NKAIN3: variants seen among roughly 807,000 people sequenced by gnomAD.
NKAIN3 encodes sodium/potassium-transporting ATPase subunit beta-1-interacting protein 3.
NKAIN3 carries 25 observed loss-of-function variants against 30.2 expected under a neutral mutation model. The ratio of observed to expected loss-of-function variants is 0.83; its 90% confidence interval spans 0.60 to 1.16. The LOEUF (loss-of-function observed/expected upper bound fraction) is 1.16, where lower values mean the gene tolerates loss of function less well. Among genes scored for constraint, NKAIN3 ranks in the 50% most tolerant of loss-of-function variants. NKAIN3 has a pLI of 0.00. For missense variants in NKAIN3, 225 were observed against 254.1 expected, an observed-to-expected ratio of 0.89 and a Z score of 0.78; for synonymous variants, 91 against 89.6, an observed-to-expected ratio of 1.02 and a Z score of -0.09.
chr8:62,259,438 C>T (rs572286600), intron 1 of NKAIN3, among the ~76,000 whole-genome samples: 3 of 152,186 alleles, frequency 2.0e-5, no homozygotes, highest in South Asian at 2.1e-4. Flanking sequence ...TTTTAATCCC[C>T]ATTAAAACTA....
At chr8:62,747,560 A>C (rs976692616) in intron 4 of NKAIN3, among the ~76,000 whole-genome samples, 3 of 152,204 alleles carry the variant, frequency 2.0e-5, no homozygotes, top group Admixed American at 1.3e-4. Context: ...TCCTTAAAAA[A>C]CAAATCCCAC....
intron 4 of NKAIN3, among the ~76,000 whole-genome samples, chr8:62,764,604 A>G (rs1816775814): frequency 6.6e-6 from 1 of 152,132 alleles, no homozygotes. Flanking sequence ...AGCTAGAACT[A>G]CAAGCGTGTG....
chr8:62,472,176 C>G (rs34759981), intron 1 of NKAIN3, among the ~76,000 whole-genome samples: 12,323 of 152,164 alleles, frequency 0.081, 701 homozygotes, highest in Middle Eastern at 0.13. Context: ...GTGAGCTGAA[C>G]TCGGTTACAG....
Position 62,719,061 on chromosome 8 carries a change from T to C in NKAIN3, c.274-27871T>C, listed in dbSNP as rs764284813. On this transcript the variant is annotated intron_variant, in intron 3 of 6. Transcript: ENST00000623646. ...CAGTGTGGAAAGGTCCAAAGAGTAA[T>C]AAGGAGACATATTGTTGTGCCAATG... 1.1e-4 allele frequency among the ~76,000 whole-genome samples: 16 copies of C among 152,254 alleles called. No homozygotes were observed. The South Asian group carries it at 1.5e-3, about 14-fold the overall frequency.
At chr8:62,690,308 C>T (rs1304220415) in intron 3 of NKAIN3, among the ~76,000 whole-genome samples, 4 of 152,174 alleles carry the variant, frequency 2.6e-5, no homozygotes, top group Non-Finnish European at 4.4e-5. Context: ...TGCCCCTGGA[C>T]CAGTCCTGAC....
At chr8:62,855,340 C>T in intron 4 of NKAIN3, 2 of 624,944 alleles carry the variant, frequency 3.2e-6, no homozygotes, top group Non-Finnish European at 5.9e-6. Flanking sequence ...CTTCCAGCAG[C>T]TCCTGCTTCT....
intron 3 of NKAIN3, among the ~76,000 whole-genome samples, chr8:62,598,159 C>T (rs991710254): frequency 1.3e-5 from 2 of 151,928 alleles, no homozygotes; most frequent in Non-Finnish European, 2.9e-5. Context: ...ATGCAGACAC[C>T]GGAGAGTGAG....
intron 4 of NKAIN3, among the ~76,000 whole-genome samples, chr8:62,862,863 G>GT (rs1820295990): frequency 6.6e-6 from 1 of 152,132 alleles, no homozygotes; most frequent in African/African-American, 2.4e-5. Context: ...ATTAGCTTTT[G>GT]TTTTTTGCAA....
intron 1 of NKAIN3, among the ~76,000 whole-genome samples, chr8:62,411,233 A>G (rs1192236325): frequency 6.6e-6 from 1 of 152,226 alleles, no homozygotes; most frequent in East Asian, 1.9e-4. Flanking sequence ...CTGGGATGCA[A>G]GGCTGGTTTA....
At chr8:62,428,175 A>C (rs13275950) in intron 1 of NKAIN3, among the ~76,000 whole-genome samples, 62,506 of 151,776 alleles carry the variant, frequency 0.41, 15,020 homozygotes, top group Non-Finnish European at 0.53. Context: ...ATAGGATTTC[A>C]ATCTTTTTTA....
intron 3 of NKAIN3, among the ~76,000 whole-genome samples, chr8:62,634,745 G>C (rs1045230277): frequency 1.3e-5 from 2 of 152,092 alleles, no homozygotes; most frequent in Non-Finnish European, 2.9e-5. Context: ...CTCCAAAATT[G>C]CCTTTAAACA....
intron 1 of NKAIN3, among the ~76,000 whole-genome samples, chr8:62,571,889 A>T (rs1427320747): frequency 3.3e-5 from 5 of 152,138 alleles, no homozygotes; most frequent in African/African-American, 1.2e-4. Context: ...GGGCCGGCCC[A>T]CGAAACCACT....
intron 4 of NKAIN3, among the ~76,000 whole-genome samples, chr8:62,820,359 G>T (rs543136846): frequency 6.6e-6 from 1 of 152,150 alleles, no homozygotes; most frequent in Admixed American, 6.6e-5. Context: ...GGAAGTAAAT[G>T]CTTTGTCTGC....
chr8:62,859,515 A>AAAAAAAAAAAAAAAAAAAAAAAAC (rs1286801544), intron 4 of NKAIN3, among the ~76,000 whole-genome samples: 1 of 149,832 alleles, frequency 6.7e-6, no homozygotes, highest in Non-Finnish European at 1.5e-5. Context: ...AACTAAAAAA[A>AAAAAAAAAAAAAAAAAAAAAAAAC]AAAAAACTTC....
At chr8:62,742,246 G>T (rs902060534) in intron 3 of NKAIN3, among the ~76,000 whole-genome samples, 2 of 152,194 alleles carry the variant, frequency 1.3e-5, no homozygotes, top group Middle Eastern at 3.4e-3. Context: ...AGAGTGTGGG[G>T]CAGGCTAGTT....
chr8:62,500,414 AAGG>A (rs1807388989), intron 1 of NKAIN3, among the ~76,000 whole-genome samples: 1 of 145,268 alleles, frequency 6.9e-6, no homozygotes, highest in East Asian at 2.0e-4. Context: ...AAGAAATAAG[AAGG>A]AAGAAAGGAA....
intron 4 of NKAIN3, among the ~76,000 whole-genome samples, chr8:62,790,715 ATG>A (rs1206031166): frequency 6.6e-6 from 1 of 151,970 alleles, no homozygotes; most frequent in African/African-American, 2.4e-5. Flanking sequence ...AACAAAACAG[ATG>A]TGGTCTTGCC....
chr8:62,341,783 T>C (rs774778399), intron 1 of NKAIN3, among the ~76,000 whole-genome samples: 87 of 152,022 alleles, frequency 5.7e-4, no homozygotes, highest in Non-Finnish European at 8.8e-4. Flanking sequence ...TTTGACAACA[T>C]GAGACCCATG....
chr8:62,407,562 C>T (rs1804113841), intron 1 of NKAIN3, among the ~76,000 whole-genome samples: 1 of 152,118 alleles, frequency 6.6e-6, no homozygotes, highest in Admixed American at 6.5e-5. Context: ...CCACACCCAG[C>T]TAACTTTTGT....
Sources: allele counts gnomAD v4.1 joint callset (sites outside exome capture counted in the v4.1 genomes callset), GRCh38; gene constraint gnomAD v4.1.1; transcripts MANE v1.5; gene names NCBI Gene and HGNC (gene_info 2026-07-23, HGNC 2026-07-21).